Variants in SS18L1 observed in about 807,000 individuals in gnomAD.
SS18L1 encodes the protein SS18L1 subunit of BAF chromatin remodeling complex.
Under a neutral mutation model 70.3 loss-of-function variants are expected in SS18L1, and 32 were observed. The observed-to-expected ratio is 0.46, with a 90% CI of 0.34 to 0.61. The LOEUF (loss-of-function observed/expected upper bound fraction) is 0.61, where lower values mean the gene tolerates loss of function less well. Among genes scored for constraint, SS18L1 ranks in the 20% least tolerant of loss-of-function variants. The pLI is 0.01. For synonymous variants in SS18L1, 237 were observed against 229.7 expected (o/e 1.03, Z -0.29); for missense variants, 430 against 542.1 (o/e 0.79, Z 2.05).
At chr20:62,154,428 C>T in intron 1 of SS18L1, 2 of 1,041,292 alleles carry the variant, frequency 1.9e-6, no homozygotes, top group Non-Finnish European at 1.2e-6. Context: ...AGAAGTCTCC[C>T]TCAGGATCAG....
intron 7 of SS18L1, among the ~76,000 whole-genome samples, chr20:62,164,735 GA>G (rs1032330409): frequency 9.9e-5 from 15 of 152,160 alleles, no homozygotes; most frequent in Admixed American, 6.5e-5. Flanking sequence ...AAGGGATACT[GA>G]AAGTGGTCTT....
intron 1 of SS18L1, among the ~76,000 whole-genome samples, chr20:62,156,624 G>C (rs560958316): frequency 1.3e-5 from 2 of 152,238 alleles, no homozygotes; most frequent in East Asian, 1.9e-4. Flanking sequence ...CTGTGGGTCC[G>C]GGCTCTGCCC....
In SS18L1 at chr20:62,174,839, G is replaced by T. The variant is rs556581713; in HGVS notation, c.1164+195G>T. 6.7e-5 allele frequency: 98 copies of T among 1,463,488 alleles called. No homozygotes were observed. In the African/African-American group the frequency reaches 8.7e-4, roughly 13 times the overall value. The allele number at this position is 1,463,488 out of a possible 1,614,324, so 90.7% of individuals were successfully genotyped here. ...TGTATACGCTCACCTCAGTCATCCA[G>T]CTGGCTTTTCATACCCTAAGCTCAC... is the stretch of plus-strand genomic sequence containing the variant. On this transcript the variant is annotated intron_variant, in intron 10 of 10. Transcript: ENST00000331758. This position sits in a 1 kb window ranked among gnomAD's most constrained non-coding sequence, Gnocchi z 4.1.
chr20:62,165,326 C>G (rs556161051), intron 7 of SS18L1, 96 bp from the exon 8 acceptor site: 16 of 1,245,620 alleles, frequency 1.3e-5, no homozygotes, highest in South Asian at 1.1e-4. Context: ...CCTCCCTGGC[C>G]AGACAACATC....
At position 62,182,276 on chromosome 20, in the gene SS18L1, CAAAG is replaced by C. The variant is rs1226135221; in HGVS notation, c.*3071_*3074del. 4.6e-6 allele frequency: 1 copy of C among 217,484 alleles called. No homozygotes were observed. The highest frequency in any genetic ancestry group is 6.8e-5 in the East Asian group (1 of 14,720). 13.5% of individuals were successfully genotyped at this position (217,484 alleles called of 1,614,324 possible). Reference sequence around the variant, plus strand: ...TAGGGGGCACCCCTTCAAAACTGTACAAAGAAGACGACTGTTTTCCATTTCCATT... The same window carrying C: ...TAGGGGGCACCCCTTCAAAACTGTACAAGACGACTGTTTTCCATTTCCATT... On this transcript the variant is annotated 3_prime_UTR_variant, in exon 11 of 11. Transcript: ENST00000331758.
rs956926558 is a variant in SS18L1, at chr20:62,163,713, G to A, written c.721+91G>A. 11 of 1,428,592 alleles carry A rather than the reference G, an allele frequency of 7.7e-6. No homozygotes were observed. In the Admixed American group the frequency reaches 2.4e-4, roughly 31 times the overall value. 88.5% of individuals were successfully genotyped at this position (1,428,592 alleles called of 1,614,324 possible). ...TGTGTGCTTCTCTTCGGGGAGCCTG[G>A]GGGAGTGAGGCGGGGAGCCTGGGGG... On this transcript the variant is annotated intron_variant, in intron 6 of 10. Transcript: ENST00000331758.
At position 62,165,391 on chromosome 20, in the gene SS18L1, C is replaced by T. The variant is rs2295208; in HGVS notation, c.824-31C>T. 111,500 of 1,594,528 alleles carry T rather than the reference C, an allele frequency of 0.07. 5,031 individuals are homozygous for T. Among genetic ancestry groups the T allele is most frequent in the South Asian group, 0.18 (15,930 of 88,778 alleles). ...CGGGACCTGTGCAGTGCACAGCCTC[C>T]GCTGACTGTCGCCGTCTCCGTTTCG... is the stretch of plus-strand genomic sequence containing the variant. On this transcript the variant is annotated intron_variant, in intron 7 of 10. Transcript: ENST00000331758.
Position 62,179,446 on chromosome 20 carries a change from C to A in SS18L1, c.*238C>A. ...GTGTATAGTATTGTATGTCGGTACA[C>A]GGAGAGGTATCCTTTTTTTGTCCCC... On this transcript the variant is annotated 3_prime_UTR_variant, in exon 11 of 11. Coordinates refer to ENST00000331758, the MANE Select transcript of SS18L1 (RefSeq NM_198935.3). 1 of 558,726 alleles carries A rather than the reference C, an allele frequency of 1.8e-6. No individual in the cohort carries two copies. The highest frequency in any genetic ancestry group is 2.2e-5 in the South Asian group (1 of 45,574). 34.6% of individuals were successfully genotyped at this position (558,726 alleles called of 1,614,324 possible).
chr20:62,144,202 G>C (rs1479709861), intron 1 of SS18L1, among the ~76,000 whole-genome samples: 1 of 151,568 alleles, frequency 6.6e-6, no homozygotes, highest in Non-Finnish European at 1.5e-5. Flanking sequence ...CGAGCGCGCT[G>C]TCCCCCGAGT....
In SS18L1 at chr20:62,154,324, G is replaced by T. The variant is rs193013984; in HGVS notation, c.70-4348G>T. 6.7e-6 allele frequency: 7 copies of T among 1,046,122 alleles called. No individual in the cohort carries two copies. In the East Asian group the frequency reaches 3.9e-4, roughly 58 times the overall value. 64.8% of individuals were successfully genotyped at this position (1,046,122 alleles called of 1,614,324 possible). The stretch of plus-strand genomic sequence containing the variant: ...CAGTCATCGAGTGCCCTTGGTTTGG[G>T]TACAAGGTGCGTTTTCCTAACTTGC... On this transcript the variant is annotated intron_variant, in intron 1 of 10. Transcript: ENST00000331758.
At chr20:62,150,966 G>T (rs934490537) in intron 1 of SS18L1, among the ~76,000 whole-genome samples, 1 of 152,110 alleles carries the variant, frequency 6.6e-6, no homozygotes, top group African/African-American at 2.4e-5. Context: ...AATTAAAAAG[G>T]TTCCAAAAGT....
chr20:62,151,991 G>C (rs1217416010), intron 1 of SS18L1, among the ~76,000 whole-genome samples: 2 of 150,602 alleles, frequency 1.3e-5, no homozygotes, highest in Non-Finnish European at 3.0e-5. Flanking sequence ...CCCAGGGCTG[G>C]CCTCCCCCGT....
chr20:62,167,038 G>GTTTTTTCTTTTTTTTT (rs201677571), intron 8 of SS18L1, among the ~76,000 whole-genome samples: 1 of 110,970 alleles, frequency 9.0e-6, no homozygotes, highest in Non-Finnish European at 1.7e-5. Flanking sequence ...TCAGGAGTTT[G>GTTTTTTCTTTTTTTTT]TTTGTTTTTT....
At chr20:62,144,010 C>A (rs1250419037) in intron 1 of SS18L1, 121 bp downstream of exon 1, 2 of 589,322 alleles carry the variant, frequency 3.4e-6, no homozygotes, top group African/African-American at 2.0e-5. Flanking sequence ...GCCGGGCGGC[C>A]GCGAGCCCCG....
At chr20:62,150,477 C>T (rs79438385) in intron 1 of SS18L1, among the ~76,000 whole-genome samples, 1 of 152,234 alleles carries the variant, frequency 6.6e-6, no homozygotes, top group Non-Finnish European at 1.5e-5. Context: ...GGAATTGATT[C>T]TGCGTCTGTG....
intron 1 of SS18L1, among the ~76,000 whole-genome samples, chr20:62,157,215 C>T (rs2057239675): frequency 1.3e-5 from 2 of 152,258 alleles, no homozygotes; most frequent in South Asian, 2.1e-4. Context: ...TCTGCTGCCA[C>T]CCACCCCTCC....
In SS18L1 at chr20:62,180,997, T is replaced by G. The variant is rs2057697697; in HGVS notation, c.*1789T>G. 1.1e-5 allele frequency: 2 copies of G among 183,700 alleles called. No homozygotes were observed. Among genetic ancestry groups the G allele is most frequent in the African/African-American group, 2.4e-5 (1 of 42,544 alleles). The allele number at this position is 183,700 out of a possible 1,614,324, so 11.4% of individuals were successfully genotyped here. On this transcript the variant is annotated 3_prime_UTR_variant, in exon 11 of 11. Coordinates refer to ENST00000331758, the MANE Select transcript of SS18L1 (RefSeq NM_198935.3). ...AGTCACTTATGTGTTTTGCTTGAAT[T>G]AATTCTGACAGCCCCTATGAGGAAA...
chr20:62,177,846 G>A (rs1056760011), intron 10 of SS18L1, among the ~76,000 whole-genome samples: 2 of 150,458 alleles, frequency 1.3e-5, no homozygotes, highest in African/African-American at 2.4e-5. Flanking sequence ...CTCAGCATCC[G>A]GAGTAGCTGG....
chr20:62,167,034 G>GTT (rs1235961398), intron 8 of SS18L1, among the ~76,000 whole-genome samples: 1 of 123,496 alleles, frequency 8.1e-6, no homozygotes, highest in Non-Finnish European at 1.6e-5. Flanking sequence ...GAGCTCAGGA[G>GTT]TTTGTTTGTT....
Sources: allele counts gnomAD v4.1 joint callset (sites outside exome capture counted in the v4.1 genomes callset), GRCh38; gene constraint gnomAD v4.1.1; non-coding constraint Gnocchi (gnomAD v3.1); transcripts MANE v1.5; gene names NCBI Gene and HGNC (gene_info 2026-07-23, HGNC 2026-07-21).